The following ADGRV1 variants were observed in gnomAD, a reference collection of about 807,000 sequenced individuals.
ADGRV1 encodes G-protein coupled receptor 98.
A neutral mutation model predicts 596.2 loss-of-function variants in ADGRV1; 359 were observed. That is an observed-to-expected ratio of 0.60 (90% confidence interval 0.55 to 0.66). The LOEUF (loss-of-function observed/expected upper bound fraction) is 0.66. Ranked by LOEUF, ADGRV1 falls within the 30% of genes least tolerant of loss-of-function variation. The pLI, the probability that ADGRV1 is intolerant of heterozygous loss-of-function variation, is 0.00. For missense variants in ADGRV1, 7,274 were observed against 7,575.6 expected, an observed-to-expected ratio of 0.96 and a Z score of 1.48; for synonymous variants, 2,681 against 2,679.2, an observed-to-expected ratio of 1.00 and a Z score of -0.02.
chr5:90,583,867 G>A (rs1758394614), intron 1 of ADGRV1, among the ~76,000 whole-genome samples: 1 of 152,088 alleles, frequency 6.6e-6, no homozygotes, highest in Non-Finnish European at 1.5e-5. Flanking sequence ...TCATTTGATG[G>A]TATTTTTAAT....
At position 90,909,713 on chromosome 5, in the gene ADGRV1, T is replaced by C. The variant is rs149125391; in HGVS notation, c.17856+45856T>C. On this transcript the variant is annotated intron_variant, in intron 83 of 89. Coordinates refer to ENST00000405460, the MANE Select transcript of ADGRV1 (RefSeq NM_032119.4). The stretch of plus-strand genomic sequence containing the variant: ...AGGTTGAAGTTTATATTTCGTTCTC[T>C]AGGCCAGTGACCTTCAAAGCTCAAG... Among the ~76,000 whole-genome samples, 1,322 of 152,172 alleles carry C rather than the reference T, an allele frequency of 8.7e-3. 17 individuals are homozygous for C. The highest frequency in any genetic ancestry group is 0.03 in the African/African-American group (1,262 of 41,526).
intron 86 of ADGRV1, among the ~76,000 whole-genome samples, chr5:91,085,946 CTCTT>C (rs1378509100): frequency 6.6e-6 from 1 of 152,130 alleles, no homozygotes; most frequent in Non-Finnish European, 1.5e-5. Context: ...CTTGCTTATT[CTCTT>C]TCTTTCATCA....
At chr5:90,731,873 C>T (rs139490517) in intron 50 of ADGRV1, among the ~76,000 whole-genome samples, 74 of 152,222 alleles carry the variant, frequency 4.9e-4, no homozygotes, top group Middle Eastern at 3.4e-3. Flanking sequence ...GTAAATACAA[C>T]GTTATTTTTA....
chr5:90,778,063 T>G lies in ADGRV1; in HGVS notation c.12666+20T>G, dbSNP rs1261963494. The G allele has an allele frequency of 6.5e-7, 1 of 1,550,336 alleles. No homozygotes were observed. On this transcript the variant is annotated intron_variant, in intron 62 of 89. Transcript: ENST00000405460. ...ATACAGGTATCAATATTAGCTGGTT[T>G]CTTTTATGCCCTTTACTCTCTGTGC...
intron 85 of ADGRV1, among the ~76,000 whole-genome samples, chr5:91,065,257 T>C (rs1205730069): frequency 1.3e-5 from 2 of 152,088 alleles, no homozygotes; most frequent in Admixed American, 6.5e-5. Context: ...GAGGCTATCA[T>C]TGAAGAAATA....
At chr5:90,801,760 T>C (rs539747906) in intron 70 of ADGRV1, among the ~76,000 whole-genome samples, 1 of 152,292 alleles carries the variant, frequency 6.6e-6, no homozygotes, top group Non-Finnish European at 1.5e-5. Context: ...TTTGGGAATA[T>C]TCCAGGTTGT....
At chr5:90,896,523 C>A (rs1274951974) in intron 83 of ADGRV1, among the ~76,000 whole-genome samples, 3 of 152,022 alleles carry the variant, frequency 2.0e-5, no homozygotes, top group Non-Finnish European at 4.4e-5. Flanking sequence ...GATTGACCCC[C>A]CTCAGCCTCC....
intron 83 of ADGRV1, among the ~76,000 whole-genome samples, chr5:90,951,058 G>A (rs1777023278): frequency 6.6e-6 from 1 of 152,136 alleles, no homozygotes; most frequent in Non-Finnish European, 1.5e-5. Flanking sequence ...ATAGGCAAAA[G>A]GGAAGCTGGT....
chr5:91,093,259 A>G (rs1282876695), intron 86 of ADGRV1, among the ~76,000 whole-genome samples: 1 of 152,244 alleles, frequency 6.6e-6, no homozygotes, highest in African/African-American at 2.4e-5. Flanking sequence ...GTTCATCCTC[A>G]TTCAGAATAT....
intron 1 of ADGRV1, among the ~76,000 whole-genome samples, chr5:90,571,154 GTC>G (rs1756476023): frequency 6.6e-6 from 1 of 152,038 alleles, no homozygotes. Context: ...GGCCATTGCA[GTC>G]TCTGCTTGGT....
intron 85 of ADGRV1, among the ~76,000 whole-genome samples, chr5:90,993,457 G>T (rs575792492): frequency 2.0e-5 from 3 of 151,814 alleles, no homozygotes; most frequent in Non-Finnish European, 4.4e-5. Context: ...ATGCTGTGCC[G>T]GTTTTCACTT....
Position 90,810,540 on chromosome 5 carries a change from C to T in ADGRV1, c.15280C>T (p.Leu5094Phe), listed in dbSNP as rs1182406454. 3 of 1,613,638 alleles carry T rather than the reference C, an allele frequency of 1.9e-6. No individual in the cohort carries two copies. The highest frequency in any genetic ancestry group is 1.1e-5 in the South Asian group (1 of 91,076). The change falls in exon 74 of 90, where the codon CTT (leucine) becomes TTT (phenylalanine). Residue 5094 changes from leucine (L) to phenylalanine (F), a missense_variant. By Grantham distance (22) the Leu-to-Phe change is conservative. Transcript: ENST00000405460. ...GATAGAAGAATTTTTTTACATTAAC[C>T]TTACTTCAGTAGAAATTAGGGGATT... is the stretch of plus-strand genomic sequence containing the variant. ...SEIEEFFYIN[L>F]TSVEIRGLQK...
intron 50 of ADGRV1, among the ~76,000 whole-genome samples, chr5:90,740,611 G>A (rs992867995): frequency 1.3e-5 from 2 of 152,140 alleles, no homozygotes; most frequent in African/African-American, 4.8e-5. Flanking sequence ...CTGGCCACAA[G>A]GCAGAGCCGC....
At chr5:90,584,654 G>A (rs1360640647) in intron 1 of ADGRV1, among the ~76,000 whole-genome samples, 3 of 152,200 alleles carry the variant, frequency 2.0e-5, no homozygotes, top group African/African-American at 7.2e-5. Context: ...ACTCTGTGGG[G>A]TGACTTTAGC....
intron 67 of ADGRV1, among the ~76,000 whole-genome samples, chr5:90,784,619 G>C (rs1009157454): frequency 2.6e-5 from 4 of 152,132 alleles, no homozygotes; most frequent in African/African-American, 9.7e-5. Context: ...GCATAAGCTG[G>C]CATGTTTCAG....
intron 89 of ADGRV1, among the ~76,000 whole-genome samples, chr5:91,154,400 A>G (rs1236347376): frequency 6.6e-6 from 1 of 152,234 alleles, no homozygotes; most frequent in African/African-American, 2.4e-5. Flanking sequence ...TTAAAATTTT[A>G]TTATATCTTG....
At chr5:90,678,884 A>G (rs1022580213) in intron 25 of ADGRV1, among the ~76,000 whole-genome samples, 1 of 150,122 alleles carries the variant, frequency 6.7e-6, no homozygotes, top group Non-Finnish European at 1.5e-5. Context: ...ACCCATAGCA[A>G]CAACATTTCT....
chr5:90,843,433 A>G (rs1456271501), intron 78 of ADGRV1, among the ~76,000 whole-genome samples: 1 of 8,120 alleles, frequency 1.2e-4, no homozygotes, highest in Non-Finnish European at 8.6e-3. Flanking sequence ...TTCAGCAAAT[A>G]GTGTTGGATG....
intron 85 of ADGRV1, among the ~76,000 whole-genome samples, chr5:90,987,667 T>C (rs927045624): frequency 4.6e-5 from 7 of 152,046 alleles, no homozygotes; most frequent in Non-Finnish European, 7.3e-5. Context: ...AAATATTGTA[T>C]ACTTATATCA....
Sources: allele counts gnomAD v4.1 joint callset (sites outside exome capture counted in the v4.1 genomes callset), GRCh38; gene constraint gnomAD v4.1.1; transcripts MANE v1.5; gene names NCBI Gene and HGNC (gene_info 2026-07-23, HGNC 2026-07-21).